Variants in CFAP43 observed in about 807,000 individuals in gnomAD.
CFAP43 encodes the protein cilia- and flagella-associated protein 43.
A neutral mutation model predicts 218.9 loss-of-function variants in CFAP43; 155 were observed. The observed-to-expected ratio is 0.71, with a 90% CI of 0.62 to 0.81. The LOEUF (loss-of-function observed/expected upper bound fraction) is 0.81, where lower values mean the gene tolerates loss of function less well. Among genes scored for constraint, CFAP43 ranks in the 30% least tolerant of loss-of-function variants. The pLI is 0.00. For synonymous variants in CFAP43, 645 were observed against 681.3 expected (o/e 0.95, Z 0.83); for missense variants, 1,778 against 1,954.3 (o/e 0.91, Z 1.70).
At chr10:104,160,644 C>T (rs1421840176) in intron 27 of CFAP43, among the ~76,000 whole-genome samples, 1 of 152,088 alleles carries the variant, frequency 6.6e-6, no homozygotes, top group African/African-American at 2.4e-5. Context: ...AAACCTTTTT[C>T]CTGAGATGGA....
intron 13 of CFAP43, among the ~76,000 whole-genome samples, 178 bp from the exon 14 acceptor site, chr10:104,187,670 T>G (rs1434591203): frequency 6.6e-6 from 1 of 152,264 alleles, no homozygotes; most frequent in African/African-American, 2.4e-5. Flanking sequence ...TACTTGAGTA[T>G]TAAATGACTG....
At chr10:104,140,568 G>A (rs1414086791) in intron 34 of CFAP43, among the ~76,000 whole-genome samples, 1 of 152,224 alleles carries the variant, frequency 6.6e-6, no homozygotes, top group African/African-American at 2.4e-5. Context: ...CACTCTGGGA[G>A]GCCAGAGCAG....
intron 16 of CFAP43, among the ~76,000 whole-genome samples, chr10:104,183,544 C>A (rs901795112): frequency 2.6e-5 from 4 of 151,988 alleles, no homozygotes; most frequent in Non-Finnish European, 5.9e-5. Context: ...CGCCCGCCAC[C>A]GCGCCCGGCT....
chr10:104,136,874 A>G (rs1376391665), intron 34 of CFAP43, among the ~76,000 whole-genome samples: 1 of 152,206 alleles, frequency 6.6e-6, no homozygotes, highest in Admixed American at 6.5e-5. Flanking sequence ...AAGATGCTCA[A>G]TGTCATTAGT....
chr10:104,199,279 A>G (rs1258982582), intron 8 of CFAP43, among the ~76,000 whole-genome samples: 1 of 152,238 alleles, frequency 6.6e-6, no homozygotes, highest in Non-Finnish European at 1.5e-5. Flanking sequence ...TTAACCAGCA[A>G]TAAGAAGTCT....
intron 3 of CFAP43, among the ~76,000 whole-genome samples, chr10:104,217,266 T>C (rs771683551): frequency 5.3e-5 from 8 of 152,236 alleles, no homozygotes; most frequent in Non-Finnish European, 8.8e-5. Flanking sequence ...AGCCAGTCAA[T>C]GAATGTTAGT....
chr10:104,210,909 G>C (rs1752614755), intron 5 of CFAP43, among the ~76,000 whole-genome samples: 1 of 146,946 alleles, frequency 6.8e-6, no homozygotes, highest in African/African-American at 2.5e-5. Context: ...TCCTGCCTCA[G>C]CCTCCCAAGT....
At chr10:104,190,147 A>AT (rs1457506293) in intron 12 of CFAP43, among the ~76,000 whole-genome samples, 1 of 149,178 alleles carries the variant, frequency 6.7e-6, no homozygotes, top group Non-Finnish European at 1.5e-5. Context: ...AAAAAAAAAA[A>AT]AAAAAAAAAA....
chr10:104,161,511 G>A (rs1027007102), intron 26 of CFAP43, among the ~76,000 whole-genome samples: 96 of 152,314 alleles, frequency 6.3e-4, no homozygotes, highest in African/African-American at 2.0e-3. Flanking sequence ...TGATGAAACA[G>A]TATTCCTGCC....
At chr10:104,146,200 TCCTC>T in intron 30 of CFAP43, 59 bp downstream of exon 30, 1 of 1,356,280 alleles carries the variant, frequency 7.4e-7, no homozygotes, top group South Asian at 1.2e-5. Flanking sequence ...CCTTTAACCT[TCCTC>T]CAATCCAGGC....
At chr10:104,150,521 A>G (rs1411700520) in intron 28 of CFAP43, among the ~76,000 whole-genome samples, 1 of 152,116 alleles carries the variant, frequency 6.6e-6, no homozygotes. Flanking sequence ...AAAGTCACTG[A>G]GGGAATTTAA....
chr10:104,133,566 T>C, intron 35 of CFAP43, 54 bp downstream of exon 35: 2 of 1,536,240 alleles, frequency 1.3e-6, no homozygotes, highest in Non-Finnish European at 1.8e-6. Flanking sequence ...GTTAAATGAA[T>C]GAATACATTA....
At chr10:104,201,779 A>G (rs1043390662) in intron 8 of CFAP43, among the ~76,000 whole-genome samples, 5 of 151,462 alleles carry the variant, frequency 3.3e-5, no homozygotes, top group African/African-American at 4.9e-5. Flanking sequence ...TTTTTGTTGC[A>G]TCATAGACCT....
intron 12 of CFAP43, 31 bp from the exon 13 acceptor site, chr10:104,188,441 T>G (rs761944020): frequency 4.1e-5 from 65 of 1,603,806 alleles, no homozygotes; most frequent in Non-Finnish European, 5.0e-5. Context: ...ACACCACAAG[T>G]GGTCATTGAT....
At chr10:104,232,127 T>C in intron 1 of CFAP43, 55 bp downstream of exon 1, 7 of 1,561,086 alleles carry the variant, frequency 4.5e-6, no homozygotes, top group Non-Finnish European at 5.2e-6. Context: ...GGAGGGGACT[T>C]GGGGCAGGAG....
At chr10:104,163,568 C>T (rs1055530860) in intron 24 of CFAP43, among the ~76,000 whole-genome samples, 2 of 152,042 alleles carry the variant, frequency 1.3e-5, no homozygotes, top group African/African-American at 2.4e-5. Flanking sequence ...TCCGGAGAGC[C>T]CCTTTCTCTG....
intron 16 of CFAP43, among the ~76,000 whole-genome samples, chr10:104,183,490 C>T (rs1028824665): frequency 3.3e-5 from 5 of 151,524 alleles, no homozygotes; most frequent in South Asian, 4.2e-4. Context: ...CCCGGGTTCA[C>T]GCCATTCTCC....
intron 4 of CFAP43, among the ~76,000 whole-genome samples, chr10:104,213,962 A>T (rs1280980916): frequency 1.3e-5 from 2 of 152,250 alleles, no homozygotes; most frequent in Non-Finnish European, 2.9e-5. Context: ...AAGGACAAAT[A>T]AAATTTTAGA....
chr10:104,196,791 GA>G, intron 10 of CFAP43, 61 bp downstream of exon 10: 1 of 1,384,500 alleles, frequency 7.2e-7, no homozygotes, highest in East Asian at 2.3e-5. Flanking sequence ...ATGTGAATAT[GA>G]AAAAGTAGAT....
Sources: allele counts gnomAD v4.1 joint callset (sites outside exome capture counted in the v4.1 genomes callset), GRCh38; gene constraint gnomAD v4.1.1; transcripts MANE v1.5; gene names NCBI Gene and HGNC (gene_info 2026-07-23, HGNC 2026-07-21).